TTC39B: variants seen among roughly 807,000 people sequenced by gnomAD.
The protein encoded by TTC39B is tetratricopeptide repeat protein 39B.
In TTC39B, 92 loss-of-function variants were observed where a neutral mutation model predicts 96.6. That is an observed-to-expected ratio of 0.95 (90% CI 0.80 to 1.13). The LOEUF (loss-of-function observed/expected upper bound fraction) is 1.13. Among genes scored for constraint, TTC39B ranks in the 50% most tolerant of loss-of-function variants. TTC39B has a pLI of 0.00. For missense variants in TTC39B, 955 were observed against 809.3 expected (o/e 1.18, Z -2.18); for synonymous variants, 367 against 299.4 (o/e 1.23, Z -2.33).
intron 2 of TTC39B, among the ~76,000 whole-genome samples, chr9:15,236,427 T>A (rs771601157): frequency 1.3e-5 from 2 of 151,954 alleles, no homozygotes; most frequent in African/African-American, 2.4e-5. Context: ...AGGCAGAAAA[T>A]CAACAAAGAA....
intron 1 of TTC39B, among the ~76,000 whole-genome samples, chr9:15,273,073 A>C (rs1301258257): frequency 6.6e-6 from 1 of 152,226 alleles, no homozygotes; most frequent in Admixed American, 6.5e-5. Flanking sequence ...TAGCTTTGTC[A>C]TATTCTGAGT....
chr9:15,294,323 T>C (rs1364835692), intron 1 of TTC39B, among the ~76,000 whole-genome samples: 1 of 152,168 alleles, frequency 6.6e-6, no homozygotes, highest in African/African-American at 2.4e-5. Flanking sequence ...CTTTACCTTT[T>C]AGCCTCTTAC....
At chr9:15,234,523 G>A (rs1381732492) in intron 2 of TTC39B, among the ~76,000 whole-genome samples, 3 of 151,458 alleles carry the variant, frequency 2.0e-5, no homozygotes, top group African/African-American at 7.3e-5. Context: ...CCCCGTCTGG[G>A]AGGTGTACCC....
At chr9:15,253,830 C>CA (rs1197563147) in intron 2 of TTC39B, among the ~76,000 whole-genome samples, 4 of 151,874 alleles carry the variant, frequency 2.6e-5, no homozygotes, top group East Asian at 3.9e-4. Context: ...CTTCTCTACC[C>CA]AAAAAAAGAT....
chr9:15,272,209 CCA>C (rs1823381725), intron 1 of TTC39B, among the ~76,000 whole-genome samples: 1 of 152,294 alleles, frequency 6.6e-6, no homozygotes, highest in African/African-American at 2.4e-5. Flanking sequence ...GACAGCTATT[CCA>C]CAGTCTCCCA....
intron 2 of TTC39B, among the ~76,000 whole-genome samples, chr9:15,239,528 A>G (rs754711208): frequency 1.1e-4 from 16 of 152,246 alleles, no homozygotes; most frequent in Admixed American, 4.6e-4. Flanking sequence ...GTGTCCATCA[A>G]TGGTTGACTG....
chr9:15,185,591 G>T (rs116394088), intron 15 of TTC39B, 185 bp from the exon 16 acceptor site: 23 of 771,774 alleles, frequency 3.0e-5, no homozygotes, highest in Non-Finnish European at 4.3e-5. Flanking sequence ...CTCCAGGGCC[G>T]GGGCCGAGCA....
intron 1 of TTC39B, among the ~76,000 whole-genome samples, chr9:15,277,439 G>A (rs575431184): frequency 6.6e-5 from 10 of 152,180 alleles, no homozygotes; most frequent in African/African-American, 1.7e-4. Flanking sequence ...CAACAACAAC[G>A]TAATTTATGA....
intron 2 of TTC39B, among the ~76,000 whole-genome samples, chr9:15,226,947 A>G (rs547461997): frequency 1.3e-5 from 2 of 152,130 alleles, no homozygotes; most frequent in South Asian, 4.2e-4. Context: ...TAAAGTCATT[A>G]AAAAAAGAGG....
chr9:15,220,646 C>T (rs1457748748), intron 3 of TTC39B, among the ~76,000 whole-genome samples: 1 of 151,768 alleles, frequency 6.6e-6, no homozygotes, highest in Non-Finnish European at 1.5e-5. Flanking sequence ...ATCCTTCAGA[C>T]TCAAATGGGG....
intron 2 of TTC39B, among the ~76,000 whole-genome samples, chr9:15,252,947 A>G (rs973910109): frequency 5.2e-5 from 8 of 152,386 alleles, no homozygotes; most frequent in African/African-American, 1.9e-4. Context: ...CTGACAATGC[A>G]AAACAGTTAT....
At chr9:15,290,698 A>C (rs1181482329) in intron 1 of TTC39B, among the ~76,000 whole-genome samples, 2 of 152,228 alleles carry the variant, frequency 1.3e-5, no homozygotes, top group Non-Finnish European at 2.9e-5. Flanking sequence ...TAACATGTGG[A>C]TCCAGTGAAC....
At chr9:15,199,959 T>C (rs1423690856) in intron 7 of TTC39B, 34 bp from the exon 8 acceptor site, 1 of 1,335,636 alleles carries the variant, frequency 7.5e-7, no homozygotes, top group Non-Finnish European at 1.0e-6. Flanking sequence ...TTAGATTATT[T>C]AGCAAAAAAT....
At position 15,211,453 on chromosome 9, in the gene TTC39B, A is replaced by AT. The variant is rs1315048001; in HGVS notation, c.483-57_483-56insA. 31 of 1,377,574 alleles carry AT rather than the reference A, an allele frequency of 2.3e-5. No individual in the cohort carries two copies. The African/African-American group carries it at 4.3e-4, about 19-fold the overall frequency. The allele number at this position is 1,377,574 out of a possible 1,614,324, so 85.3% of individuals were successfully genotyped here. A position where few individuals can be genotyped will look rare whatever the true frequency, so the allele number is the denominator to read the frequency against. ...TAATTCAATGGAAATACTGATCATA[A>AT]GAAATCCTAGTAAATGCATGTCCTG... On this transcript the variant is annotated intron_variant, in intron 4 of 19. Coordinates refer to ENST00000512701, the Ensembl canonical transcript of TTC39B.
intron 8 of TTC39B, 112 bp downstream of exon 8, chr9:15,199,734 CAAAAAAAAAAAAAAA>C (rs35361396): frequency 9.9e-4 from 70 of 70,676 alleles, no homozygotes; most frequent in Admixed American, 6.5e-3. Flanking sequence ...GACTCCGTCT[CAAAAAAAAAAAAAAA>C]AAAAAAAAAA....
At chr9:15,290,427 C>T (rs1009633217) in intron 1 of TTC39B, among the ~76,000 whole-genome samples, 2 of 152,110 alleles carry the variant, frequency 1.3e-5, no homozygotes, top group Non-Finnish European at 1.5e-5. Flanking sequence ...ACAAATTGCT[C>T]ACAAGGAAAT....
chr9:15,244,234 G>C (rs879536450), intron 2 of TTC39B, among the ~76,000 whole-genome samples: 10 of 152,326 alleles, frequency 6.6e-5, no homozygotes, highest in Admixed American at 6.5e-4. Context: ...CCTATTGGAG[G>C]GTTCTCTTAT....
At chr9:15,262,630 A>G (rs955081003) in intron 2 of TTC39B, among the ~76,000 whole-genome samples, 2 of 152,284 alleles carry the variant, frequency 1.3e-5, no homozygotes, top group South Asian at 2.1e-4. Context: ...AAAGATCCAG[A>G]GGTAGGAAAA....
At chr9:15,247,813 T>A (rs1303413976) in intron 2 of TTC39B, among the ~76,000 whole-genome samples, 2 of 149,020 alleles carry the variant, frequency 1.3e-5, no homozygotes, top group African/African-American at 2.5e-5. Flanking sequence ...TATTTAGGAG[T>A]GCACTGTGGC....
Sources: gnomAD v4.1 joint callset for allele counts (sites outside exome capture counted in the v4.1 genomes callset) on GRCh38, gnomAD v4.1.1 for gene constraint, MANE v1.5 for transcripts, NCBI Gene and HGNC (gene_info 2026-07-23, HGNC 2026-07-21) for gene names.